COX7B2: variants seen among roughly 807,000 people sequenced by gnomAD.
COX7B2 encodes the protein cytochrome c oxidase subunit 7B2, mitochondrial.
For synonymous variants in COX7B2, 37 were observed against 32.1 expected, an observed-to-expected ratio of 1.15 and a Z score of -0.51; for missense variants, 109 against 95.9, an observed-to-expected ratio of 1.14 and a Z score of -0.57.
chr4:46,771,900 T>C lies in COX7B2; in HGVS notation c.-49-36659A>G, dbSNP rs371404871. Among the ~76,000 whole-genome samples, 25 of 152,118 alleles carry C rather than the reference T, an allele frequency of 1.6e-4. 1 individual carries two copies. The highest frequency in any genetic ancestry group is 5.3e-4 in the African/African-American group (22 of 41,424). ...AAATCCAAAATTCTCCAATGAGCAT[T>C]TCCTTTGAGTATCATGTTGGTGCTC... On this transcript the variant is annotated intron_variant, in intron 2 of 2. Transcript: ENST00000355591.
chr4:46,791,805 A>T (rs1718062514), intron 2 of COX7B2, among the ~76,000 whole-genome samples: 1 of 152,126 alleles, frequency 6.6e-6, no homozygotes, highest in Non-Finnish European at 1.5e-5. Flanking sequence ...ACACTGAAAA[A>T]ACAGGATCCC....
intron 2 of COX7B2, among the ~76,000 whole-genome samples, chr4:46,829,733 GA>G (rs1714938307): frequency 6.6e-6 from 1 of 152,156 alleles, no homozygotes; most frequent in Non-Finnish European, 1.5e-5. Flanking sequence ...AGGGAAGTAG[GA>G]AAATGAGCAG....
At chr4:46,746,858 G>A (rs941926142) in intron 2 of COX7B2, among the ~76,000 whole-genome samples, 2 of 152,112 alleles carry the variant, frequency 1.3e-5, no homozygotes, top group Non-Finnish European at 2.9e-5. Context: ...ATTAAACTGA[G>A]CTCCTATTAT....
chr4:46,771,755 C>T (rs1004185478), intron 2 of COX7B2, among the ~76,000 whole-genome samples: 1 of 152,216 alleles, frequency 6.6e-6, no homozygotes, highest in African/African-American at 2.4e-5. Context: ...AACCCCCCCA[C>T]AACAATAACA....
chr4:46,874,764 G>C (rs1487388445), intron 1 of COX7B2, among the ~76,000 whole-genome samples: 3 of 152,122 alleles, frequency 2.0e-5, no homozygotes, highest in Non-Finnish European at 4.4e-5. Context: ...TGCAAACTGG[G>C]TAGATGTTTT....
At chr4:46,855,059 G>A (rs140988283) in intron 1 of COX7B2, among the ~76,000 whole-genome samples, 59 of 152,244 alleles carry the variant, frequency 3.9e-4, no homozygotes, top group African/African-American at 1.2e-3. Flanking sequence ...CAGGTGCGGT[G>A]CCTCACGTCT....
intron 1 of COX7B2, among the ~76,000 whole-genome samples, chr4:46,879,456 G>A (rs890197387): frequency 7.9e-5 from 12 of 151,588 alleles, no homozygotes; most frequent in African/African-American, 2.7e-4. Flanking sequence ...TGCCCAGGCT[G>A]GTCTTGAACT....
chr4:46,884,820 C>A (rs1031990546), intron 1 of COX7B2, among the ~76,000 whole-genome samples: 1 of 151,682 alleles, frequency 6.6e-6, no homozygotes. Context: ...TTTCAACTTT[C>A]TTTTGTGATG....
At chr4:46,830,010 C>A (rs2109721335) in intron 2 of COX7B2, among the ~76,000 whole-genome samples, 1 of 151,974 alleles carries the variant, frequency 6.6e-6, no homozygotes, top group East Asian at 1.9e-4. Flanking sequence ...TAACAAGAAC[C>A]TGAAATAGAA....
At chr4:46,865,184 T>C (rs567575516) in intron 1 of COX7B2, among the ~76,000 whole-genome samples, 91 of 152,288 alleles carry the variant, frequency 6.0e-4, no homozygotes, top group African/African-American at 2.1e-3. Flanking sequence ...CTCTCACTTA[T>C]CAGTGAGAAC....
intron 2 of COX7B2, among the ~76,000 whole-genome samples, chr4:46,834,682 TAATAC>T (rs1375088130): frequency 1.3e-5 from 2 of 152,122 alleles, no homozygotes; most frequent in African/African-American, 4.8e-5. Context: ...CAGTCCAATA[TAATAC>T]ATTATCAATA....
intron 2 of COX7B2, among the ~76,000 whole-genome samples, chr4:46,774,524 A>T (rs1717049974): frequency 6.6e-6 from 1 of 152,114 alleles, no homozygotes; most frequent in African/African-American, 2.4e-5. Context: ...AGTGATATCT[A>T]TCTTATCTAT....
chr4:46,816,278 T>G (rs1719547461), intron 2 of COX7B2, among the ~76,000 whole-genome samples: 1 of 152,212 alleles, frequency 6.6e-6, no homozygotes, highest in South Asian at 2.1e-4. Context: ...TTTGCCATCG[T>G]TAACATATGC....
intron 2 of COX7B2, among the ~76,000 whole-genome samples, chr4:46,764,030 G>A (rs1331546962): frequency 6.6e-6 from 1 of 152,082 alleles, no homozygotes; most frequent in Admixed American, 6.5e-5. Context: ...AATATACTCA[G>A]GTAAGGGAGC....
intron 2 of COX7B2, among the ~76,000 whole-genome samples, chr4:46,771,814 A>G (rs938307069): frequency 1.3e-5 from 2 of 152,168 alleles, no homozygotes; most frequent in African/African-American, 4.8e-5. Flanking sequence ...CAAGTATTTC[A>G]GATAAGGAAT....
intron 2 of COX7B2, among the ~76,000 whole-genome samples, chr4:46,822,332 C>G (rs1304495476): frequency 1.3e-5 from 2 of 151,490 alleles, no homozygotes. Context: ...AGATTATAGC[C>G]GTAAGACTCC....
rs115792625 is a variant in COX7B2, at chr4:46,856,490, A to G, written c.-104-11476T>C. On this transcript the variant is annotated intron_variant, in intron 1 of 2. Coordinates refer to ENST00000355591, the MANE Select transcript of COX7B2 (RefSeq NM_130902.3). ...ACTAAGGTAATTTGTCATGGAATTC[A>G]TAAGTTCTCCTTCTCAACTGCAAAG... 5.4e-3 allele frequency among the ~76,000 whole-genome samples: 827 copies of G among 152,298 alleles called. 4 individuals carry two copies. Among genetic ancestry groups the G allele is most frequent in the Non-Finnish European group, 7.2e-3 (491 of 68,018 alleles).
chr4:46,762,017 C>A (rs1012324532), intron 2 of COX7B2, among the ~76,000 whole-genome samples: 1 of 150,734 alleles, frequency 6.6e-6, no homozygotes, highest in African/African-American at 2.4e-5. Flanking sequence ...AGTGTCAGCT[C>A]TGCAACTTTA....
chr4:46,749,041 C>A (rs1353212426), intron 2 of COX7B2, among the ~76,000 whole-genome samples: 1 of 152,124 alleles, frequency 6.6e-6, no homozygotes, highest in Non-Finnish European at 1.5e-5. Context: ...AATAAGTGTA[C>A]AATCATGCTC....
Sources: allele counts gnomAD v4.1 joint callset (sites outside exome capture counted in the v4.1 genomes callset), GRCh38; gene constraint gnomAD v4.1.1; transcripts MANE v1.5; gene names NCBI Gene and HGNC (gene_info 2026-07-23, HGNC 2026-07-21).